The following BIRC6 variants were observed in gnomAD, a reference collection of about 807,000 sequenced individuals.
BIRC6 encodes the protein baculoviral IAP repeat containing 6, also known as dual E2 ubiquitin-conjugating enzyme/E3 ubiquitin-protein ligase BIRC6.
A neutral mutation model predicts 503.3 loss-of-function variants in BIRC6; 98 were observed. The observed-to-expected ratio is 0.19, with a 90% CI of 0.17 to 0.23. The LOEUF is 0.23. BIRC6 is among the 10% of genes least tolerant of loss of function. The pLI, the probability that BIRC6 is intolerant of heterozygous loss-of-function variation, is 1.00. For missense variants in BIRC6, 5,360 were observed against 5,806.0 expected (o/e 0.92, Z 2.50); for synonymous variants, 2,240 against 2,078.7 (o/e 1.08, Z -2.11).
chr2:32,476,154 T>C (rs986752130), intron 33 of BIRC6, 59 bp from the exon 34 acceptor site: 1 of 1,314,192 alleles, frequency 7.6e-7, no homozygotes, highest in Non-Finnish European at 1.0e-6. Flanking sequence ...GTGAGGAGTA[T>C]AATAATTTTT....
In BIRC6 at chr2:32,512,980, C is replaced by T. The variant is rs117926214; in HGVS notation, c.10394C>T (p.Ala3465Val). 1.2e-5 allele frequency: 20 copies of T among 1,613,630 alleles called. No homozygotes were observed. The highest frequency in any genetic ancestry group is 4.5e-5 in the East Asian group (2 of 44,868). ...KWVSDSARVA[A>V]MKRSGRMNYM... ...GTTAGTGATTCTGCAAGAGTGGCTG[C>T]TATGAAGAGAAGTGGCAGGATGAAC... Residue 3465 changes from alanine to valine, a missense_variant, in exon 54 of 74, where the codon GCT (alanine) becomes GTT (valine). Ala to Val is a moderately conservative substitution (Grantham distance 64). Transcript: ENST00000421745.
At chr2:32,560,027 G>A (rs1373259203) in intron 65 of BIRC6, among the ~76,000 whole-genome samples, 1 of 151,948 alleles carries the variant, frequency 6.6e-6, no homozygotes, top group Non-Finnish European at 1.5e-5. Flanking sequence ...AAAAAATAAT[G>A]ACAACAATAA....
At chr2:32,565,272 G>A (rs1455730316) in intron 65 of BIRC6, 2 of 152,232 alleles carry the variant, frequency 1.3e-5, no homozygotes, top group East Asian at 1.9e-4. Flanking sequence ...TCTTGATATT[G>A]GGTAGAAAGA....
rs939299216 is a variant in BIRC6, at chr2:32,496,929, A to G, written c.8469-2618A>G. On this transcript the variant is annotated intron_variant, in intron 45 of 73. Transcript: ENST00000421745. The stretch of plus-strand genomic sequence containing the variant: ...GTATGCTGTTGAGTACATATGGTAA[A>G]AGTTACTCTTCCTTCTTTTTCTCAA... Among the ~76,000 whole-genome samples, 4 of 152,150 alleles carry G rather than the reference A, an allele frequency of 2.6e-5. 1 individual carries two copies. Among genetic ancestry groups the G allele is most frequent in the Non-Finnish European group, 5.9e-5 (4 of 68,026 alleles).
intron 8 of BIRC6, among the ~76,000 whole-genome samples, chr2:32,403,647 T>C (rs777732211): frequency 1.3e-5 from 2 of 152,220 alleles, no homozygotes; most frequent in Non-Finnish European, 2.9e-5. Context: ...ACTGTTACAA[T>C]ATTAGTATGT....
intron 39 of BIRC6, 86 bp downstream of exon 39, chr2:32,482,668 G>A: frequency 6.9e-7 from 1 of 1,455,598 alleles, no homozygotes; most frequent in African/African-American, 1.4e-5. Flanking sequence ...GAGAAGTTGA[G>A]CCTGGGTGTA....
intron 66 of BIRC6, among the ~76,000 whole-genome samples, chr2:32,593,133 G>A (rs1484054602): frequency 2.6e-5 from 4 of 152,192 alleles, no homozygotes; most frequent in Non-Finnish European, 5.9e-5. Flanking sequence ...TTATAAAGAT[G>A]TAGATTTTTG....
intron 65 of BIRC6, among the ~76,000 whole-genome samples, chr2:32,551,247 T>C (rs982312877): frequency 3.3e-5 from 5 of 151,488 alleles, no homozygotes; most frequent in African/African-American, 1.2e-4. Flanking sequence ...TAATTAGTTA[T>C]CAGTTTTGGT....
chr2:32,487,036 ATC>A (rs765657589), intron 40 of BIRC6, among the ~76,000 whole-genome samples: 1 of 152,120 alleles, frequency 6.6e-6, no homozygotes, highest in Non-Finnish European at 1.5e-5. Flanking sequence ...AAAAAAGAAA[ATC>A]TGTTTGAAAT....
intron 65 of BIRC6, among the ~76,000 whole-genome samples, chr2:32,556,301 G>C (rs1436307539): frequency 4.6e-5 from 7 of 152,156 alleles, no homozygotes; most frequent in African/African-American, 1.7e-4. Context: ...GATGGGTTTT[G>C]AATTGCTTTG....
intron 65 of BIRC6, among the ~76,000 whole-genome samples, chr2:32,562,476 C>T (rs1364996348): frequency 4.6e-5 from 7 of 152,140 alleles, no homozygotes; most frequent in African/African-American, 1.7e-4. Flanking sequence ...AGTTGAAATT[C>T]GAGTTCGCTC....
chr2:32,537,335 A>G (rs1448297169), intron 61 of BIRC6, among the ~76,000 whole-genome samples: 1 of 152,168 alleles, frequency 6.6e-6, no homozygotes. Flanking sequence ...CACCACACCT[A>G]TTCCAAAATT....
intron 22 of BIRC6, chr2:32,449,269 C>G (rs188196540): frequency 6.1e-4 from 103 of 167,716 alleles, no homozygotes; most frequent in African/African-American, 2.4e-3. Flanking sequence ...TTTGCTGCCT[C>G]TATAAAGTTA....
chr2:32,501,042 A>C, intron 46 of BIRC6, among the ~76,000 whole-genome samples: 1 of 152,294 alleles, frequency 6.6e-6, no homozygotes, highest in South Asian at 2.1e-4. Context: ...AATTTTACTC[A>C]TACTGTAACA....
At chr2:32,526,322 G>A (rs1347145732) in intron 59 of BIRC6, among the ~76,000 whole-genome samples, 1 of 152,160 alleles carries the variant, frequency 6.6e-6, no homozygotes, top group African/African-American at 2.4e-5. Context: ...TGCCAGACGT[G>A]CCAACAGCAG....
intron 71 of BIRC6, among the ~76,000 whole-genome samples, chr2:32,607,122 C>A (rs1294279824): frequency 6.7e-6 from 1 of 150,236 alleles, no homozygotes; most frequent in Non-Finnish European, 1.5e-5. Flanking sequence ...AAAAAATAAA[C>A]TAAACTAAAA....
At chr2:32,369,941 AAAAAATATATATATAT>A (rs2035581801) in intron 1 of BIRC6, among the ~76,000 whole-genome samples, 1 of 46,042 alleles carries the variant, frequency 2.2e-5, no homozygotes, top group Admixed American at 2.5e-4. Flanking sequence ...AAAAAAAAAA[AAAAAATATATATATAT>A]ATATATATAT....
At position 32,515,025 on chromosome 2, in the gene BIRC6, A is replaced by G. The variant is rs745793545; in HGVS notation, c.10604A>G (p.Asn3535Ser). 29 of 1,613,660 alleles carry G rather than the reference A, an allele frequency of 1.8e-5. No individual in the cohort carries two copies. The highest frequency in any genetic ancestry group is 3.3e-5 in the Admixed American group (2 of 59,984). ...LFNWSMSLPC[N>S]MVLKKAVDSL... is the part of the protein sequence containing the mutation. ...AATTGGTCCATGTCTCTTCCCTGCAATATGGTTTTGAAGAAAGCTGTTGAC... is the reference window on the plus strand; with the variant it reads ...AATTGGTCCATGTCTCTTCCCTGCAGTATGGTTTTGAAGAAAGCTGTTGAC... Residue 3535 changes from asparagine (N) to serine (S), a missense_variant, in exon 55 of 74, where the codon AAT becomes AGT. Coordinates refer to ENST00000421745, the MANE Select transcript of BIRC6 (RefSeq NM_016252.4).
intron 22 of BIRC6, among the ~76,000 whole-genome samples, chr2:32,452,093 G>C (rs1187272074): frequency 6.6e-6 from 1 of 152,144 alleles, no homozygotes; most frequent in Non-Finnish European, 1.5e-5. Flanking sequence ...ATTACCACTT[G>C]TCAAGTTTTT....
Sources: allele counts gnomAD v4.1 joint callset (sites outside exome capture counted in the v4.1 genomes callset), GRCh38; gene constraint gnomAD v4.1.1; transcripts MANE v1.5; gene names NCBI Gene and HGNC (gene_info 2026-07-23, HGNC 2026-07-21).